GPR89A: variants seen among roughly 807,000 people sequenced by gnomAD.
GPR89A encodes the protein golgi pH regulator A.
A neutral mutation model predicts 52.0 loss-of-function variants in GPR89A; 16 were observed. That is an observed-to-expected ratio of 0.31 (90% confidence interval 0.21 to 0.47). The LOEUF is 0.47. Among genes scored for constraint, GPR89A ranks in the 20% least tolerant of loss-of-function variants. The pLI is 1.00. For missense variants in GPR89A, 135 were observed against 449.4 expected (o/e 0.30, Z 6.33); for synonymous variants, 55 against 150.9 (o/e 0.36, Z 4.66).
chr1:145,648,549 G>T (rs782382943), intron 10 of GPR89A, among the ~76,000 whole-genome samples: 2 of 149,920 alleles, frequency 1.3e-5, no homozygotes, highest in Non-Finnish European at 2.9e-5. Context: ...GTGCGATCTC[G>T]GCTCACTGCA....
chr1:145,611,965 G>C (rs1484114792), intron 1 of GPR89A, among the ~76,000 whole-genome samples: 7 of 151,742 alleles, frequency 4.6e-5, no homozygotes, highest in African/African-American at 1.7e-4. Flanking sequence ...GTATATATAA[G>C]TCCACACTTG....
At chr1:145,615,190 A>G (rs1370223328) in intron 1 of GPR89A, among the ~76,000 whole-genome samples, 1 of 152,158 alleles carries the variant, frequency 6.6e-6, no homozygotes, top group Non-Finnish European at 1.5e-5. Flanking sequence ...TTACATTGAG[A>G]TGAAAACCAC....
At chr1:145,653,103 A>G (rs1360904657) in intron 10 of GPR89A, among the ~76,000 whole-genome samples, 2 of 150,784 alleles carry the variant, frequency 1.3e-5, no homozygotes, top group African/African-American at 2.5e-5. Flanking sequence ...GCTTTTTGAT[A>G]TGAGCATTTA....
intron 1 of GPR89A, among the ~76,000 whole-genome samples, chr1:145,609,858 T>C (rs1367673840): frequency 6.6e-6 from 1 of 152,222 alleles, no homozygotes; most frequent in East Asian, 1.9e-4. Context: ...TCTGTTCAGA[T>C]ATTTATGTGG....
chr1:145,627,065 G>A (rs1649562676), intron 5 of GPR89A, among the ~76,000 whole-genome samples: 3 of 151,960 alleles, frequency 2.0e-5, no homozygotes, highest in Admixed American at 1.3e-4. Context: ...GTGGGAAAGA[G>A]TAAGAGAGAT....
intron 7 of GPR89A, among the ~76,000 whole-genome samples, chr1:145,643,150 G>GT (rs1462605781): frequency 2.0e-5 from 3 of 150,160 alleles, no homozygotes; most frequent in African/African-American, 4.9e-5. Flanking sequence ...ATGTTAGCTG[G>GT]TTTTTTTTGT....
At chr1:145,655,402 G>GT (rs1651745944) in intron 10 of GPR89A, among the ~76,000 whole-genome samples, 2 of 151,142 alleles carry the variant, frequency 1.3e-5, no homozygotes, top group African/African-American at 4.9e-5. Flanking sequence ...AGTTGTCACC[G>GT]TTTTTGTGTT....
At chr1:145,660,062 T>G (rs1553695309) in intron 10 of GPR89A, among the ~76,000 whole-genome samples, 2 of 151,932 alleles carry the variant, frequency 1.3e-5, no homozygotes, top group Admixed American at 1.3e-4. Context: ...TCATGATTTG[T>G]CTCTCTGTTT....
intron 10 of GPR89A, among the ~76,000 whole-genome samples, chr1:145,648,209 C>G (rs1553692961): frequency 6.6e-6 from 1 of 151,244 alleles, no homozygotes; most frequent in African/African-American, 2.4e-5. Flanking sequence ...ACAGAAAAGG[C>G]TGATTTGACT....
At chr1:145,619,348 G>A (rs1169467194) in intron 3 of GPR89A, among the ~76,000 whole-genome samples, 8 of 148,200 alleles carry the variant, frequency 5.4e-5, no homozygotes, top group South Asian at 4.3e-4. Flanking sequence ...AGTGGCTCAC[G>A]CCTATAATCC....
At chr1:145,668,254 T>C (rs1298903863) in intron 12 of GPR89A, among the ~76,000 whole-genome samples, 2 of 152,206 alleles carry the variant, frequency 1.3e-5, no homozygotes, top group Admixed American at 6.5e-5. Context: ...TGTTGAGCAG[T>C]GGTTTGTAGT....
intron 8 of GPR89A, chr1:145,645,618 A>T: frequency 4.4e-6 from 2 of 453,978 alleles, no homozygotes; most frequent in Non-Finnish European, 8.8e-6. Flanking sequence ...TAATTGTGTG[A>T]CTTTGAGCAA....
chr1:145,615,975 AT>A lies in GPR89A; in HGVS notation c.43-257del, dbSNP rs1466104626. ...TGGCTCATATAATGATTATCATAAGATTATGGCAAAATATGTACTTCCATTT... is the reference window on the plus strand; with the variant it reads ...TGGCTCATATAATGATTATCATAAGATATGGCAAAATATGTACTTCCATTT... On this transcript the variant is annotated intron_variant, in intron 1 of 13. Coordinates refer to ENST00000313835, the MANE Select transcript of GPR89A (RefSeq NM_001097612.2). 2.0e-5 allele frequency among the ~76,000 whole-genome samples: 3 copies of A among 151,442 alleles called. 1 individual carries two copies. The highest frequency in any genetic ancestry group is 4.4e-5 in the Non-Finnish European group (3 of 67,964).
chr1:145,669,812 G>T, intron 13 of GPR89A, 22 bp from the exon 14 acceptor site: 1 of 1,315,882 alleles, frequency 7.6e-7, no homozygotes, highest in Non-Finnish European at 1.1e-6. Flanking sequence ...GTCACTTCTG[G>T]ATTAATTCAT....
At position 145,646,279 on chromosome 1, in the gene GPR89A, A is replaced by G; in HGVS notation, c.816+7A>G. 6.3e-7 allele frequency: 1 copy of G among 1,596,792 alleles called. No individual in the cohort carries two copies. Among genetic ancestry groups the G allele is most frequent in the Non-Finnish European group, 8.6e-7 (1 of 1,168,170 alleles). On this transcript the variant is annotated splice_region_variant and intron_variant, in intron 9 of 13. Coordinates refer to ENST00000313835, the MANE Select transcript of GPR89A (RefSeq NM_001097612.2). Reference sequence around the variant, plus strand: ...TGATCTATATGCTACCAAGGTACAGAGCAAGGAAACTGAAGTGTGGTTTTT... The same window carrying G: ...TGATCTATATGCTACCAAGGTACAGGGCAAGGAAACTGAAGTGTGGTTTTT...
chr1:145,656,425 G>A (rs1323773569), intron 10 of GPR89A, among the ~76,000 whole-genome samples: 3 of 152,218 alleles, frequency 2.0e-5, no homozygotes, highest in Non-Finnish European at 2.9e-5. Context: ...TGCCCTGTGC[G>A]GCTCCCAGGT....
In GPR89A at chr1:145,647,045, A is replaced by C. The variant is rs1571517660; in HGVS notation, c.817-130A>C. On this transcript the variant is annotated intron_variant, in intron 9 of 13. Transcript: ENST00000313835. The stretch of plus-strand genomic sequence containing the variant: ...AATGCTGGCCACAACTACTGTTATT[A>C]GTTTAATATTATTACAATGTATGGT... 6.4e-6 allele frequency: 9 copies of C among 1,411,310 alleles called. No homozygotes were observed. The East Asian group carries it at 2.3e-4, about 35-fold the overall frequency. 87.4% of individuals were successfully genotyped at this position (1,411,310 alleles called of 1,614,324 possible).
rs1211008095 is a variant in GPR89A at position 145,608,066 on chromosome 1, T to G, written c.-68T>G. On this transcript the variant is annotated 5_prime_UTR_variant, in exon 1 of 14. Transcript: ENST00000313835. The stretch of plus-strand genomic sequence containing the variant: ...AGAAGGCAGACCGTGTGAGGGGGCC[T>G]GTGGCCCCAGCGTGCTGTGGCCTCG... 1.0e-5 allele frequency: 16 copies of G among 1,569,302 alleles called. No homozygotes were observed. Among genetic ancestry groups the G allele is most frequent in the Non-Finnish European group, 1.4e-5 (16 of 1,141,378 alleles).
chr1:145,633,727 G>T (rs1650026727), intron 7 of GPR89A, among the ~76,000 whole-genome samples: 1 of 76,110 alleles, frequency 1.3e-5, no homozygotes. Context: ...GTTTTTTGTG[G>T]TTCCATGTGT....
Sources: gnomAD v4.1 joint callset for allele counts (sites outside exome capture counted in the v4.1 genomes callset) on GRCh38, gnomAD v4.1.1 for gene constraint, MANE v1.5 for transcripts, NCBI Gene and HGNC (gene_info 2026-07-23, HGNC 2026-07-21) for gene names.